Variants in GIPC1 observed in about 807,000 individuals in gnomAD.
The protein encoded by GIPC1 is PDZ domain-containing protein GIPC1.
Under a neutral mutation model 28.5 loss-of-function variants are expected in GIPC1, and 15 were observed. The ratio of observed to expected loss-of-function variants is 0.53; its 90% CI spans 0.35 to 0.81. The LOEUF (loss-of-function observed/expected upper bound fraction) is 0.81. Ranked by LOEUF, GIPC1 falls within the 30% of genes least tolerant of loss-of-function variation. The probability of loss-of-function intolerance (pLI) is 0.01; values close to 1 mark genes in which losing one functional copy is unlikely to be tolerated. For missense variants in GIPC1, 439 were observed against 481.9 expected (o/e 0.91, Z 0.83); for synonymous variants, 224 against 206.1 (o/e 1.09, Z -0.74).
chr19:14,486,712 CT>C (rs35491814), intron 3 of GIPC1, among the ~76,000 whole-genome samples: 18,972 of 124,142 alleles, frequency 0.15, 663 homozygotes, highest in African/African-American at 0.19. Context: ...TTCTTTCTTT[CT>C]TTTTTTTTTT....
At chr19:14,491,455 C>A (rs2071972739) in intron 3 of GIPC1, among the ~76,000 whole-genome samples, 1 of 151,994 alleles carries the variant, frequency 6.6e-6, no homozygotes. Flanking sequence ...GATGGGGTTT[C>A]TCCATGTTGA....
chr19:14,496,016 C>T (rs927371542), intron 1 of GIPC1, 21 bp downstream of exon 1: 14 of 228,974 alleles, frequency 6.1e-5, no homozygotes, highest in Non-Finnish European at 1.2e-4. Context: ...CAGACACATC[C>T]TTCTCGCAGA....
chr19:14,483,152 A>C, intron 3 of GIPC1, 146 bp from the exon 4 acceptor site: 1 of 601,262 alleles, frequency 1.7e-6, no homozygotes, highest in East Asian at 2.9e-5. Flanking sequence ...GTGACAGGAC[A>C]CTTATATAAA....
chr19:14,491,941 G>A (rs576582489), intron 2 of GIPC1, among the ~76,000 whole-genome samples, 198 bp from the exon 3 acceptor site: 3 of 152,164 alleles, frequency 2.0e-5, no homozygotes, highest in Admixed American at 6.5e-5. Flanking sequence ...GGTGGCGGGC[G>A]CCTGCAGTCC....
At chr19:14,491,444 A>G (rs990170681) in intron 3 of GIPC1, among the ~76,000 whole-genome samples, 8 of 151,806 alleles carry the variant, frequency 5.3e-5, no homozygotes, top group African/African-American at 1.9e-4. Context: ...TTTTTAGTAG[A>G]GATGGGGTTT....
At position 14,478,871 on chromosome 19, in the gene GIPC1, T is replaced by C; in HGVS notation, c.769-106A>G. ...CTTTACATATATTCGTATTTAGACC[T>C]CAGGACAACCCTGAGAAGGTGGTAT... On this transcript the variant is annotated intron_variant, in intron 7 of 8. Transcript: ENST00000393033. The surrounding 1 kb of genome is among the most constrained non-coding windows in gnomAD (Gnocchi z 5.2). The C allele has an allele frequency of 1.2e-6, 1 of 865,786 alleles. No homozygotes were observed. Among genetic ancestry groups the C allele is most frequent in the South Asian group, 1.4e-5 (1 of 69,554 alleles). The allele number at this position is 865,786 out of a possible 1,614,324, so 53.6% of individuals were successfully genotyped here. A position where few individuals can be genotyped will look rare whatever the true frequency, so the allele number is the denominator to read the frequency against.
At chr19:14,493,598 C>T (rs562904349) in intron 1 of GIPC1, among the ~76,000 whole-genome samples, 4 of 152,216 alleles carry the variant, frequency 2.6e-5, no homozygotes, top group African/African-American at 9.6e-5. Context: ...GCTGGGATTA[C>T]AGGCACGCAC....
Position 14,482,831 on chromosome 19 carries a change from G to A in GIPC1, c.146C>T (p.Pro49Leu). The part of the protein sequence containing the change: ...GSGGPQMGLP[P>L]PPPALRPRLV... ...GCGGGGCCGCAGGGCTGGGGGAGGG[G>A]GGGGCAAGCCCATTTGGGGGCCCCC... Residue 49 changes from proline (P) to leucine (L), a missense_variant, in exon 4 of 9, where the codon CCC (proline) becomes CTC (leucine). Transcript: ENST00000393033. 1 of 1,579,604 alleles carries A rather than the reference G, an allele frequency of 6.3e-7. No homozygotes were observed. Among genetic ancestry groups the A allele is most frequent in the Non-Finnish European group, 8.6e-7 (1 of 1,163,496 alleles).
At chr19:14,494,868 C>G (rs1041042790) in intron 1 of GIPC1, among the ~76,000 whole-genome samples, 1 of 152,120 alleles carries the variant, frequency 6.6e-6, no homozygotes, top group South Asian at 2.1e-4. Flanking sequence ...GCATCCTCAC[C>G]CCCTCATCCT....
rs1034420562 is a variant in GIPC1 at position 14,496,061 on chromosome 19, CGCCGCCGCCGCCGCT to C, written c.-214_-200del. Reference sequence around the variant, plus strand: ...CCTGCTCCGCCGCCGCCGCCGCCGCCGCCGCCGCCGCCGCTGCCTCCGCCTCCCCGTGCGCACCCG... The same window carrying C: ...CCTGCTCCGCCGCCGCCGCCGCCGCCGCCTCCGCCTCCCCGTGCGCACCCG... On this transcript the variant is annotated 5_prime_UTR_variant, in exon 1 of 9. Transcript: ENST00000393033. 5 of 250,692 alleles carry C rather than the reference CGCCGCCGCCGCCGCT, an allele frequency of 2.0e-5. No homozygotes were observed. The highest frequency in any genetic ancestry group is 9.4e-5 in the African/African-American group (4 of 42,404). 15.5% of individuals were successfully genotyped at this position (250,692 alleles called of 1,614,324 possible).
intron 4 of GIPC1, 116 bp downstream of exon 4, chr19:14,482,573 G>C (rs1358792310): frequency 9.5e-7 from 1 of 1,047,588 alleles, no homozygotes; most frequent in Non-Finnish European, 1.4e-6. Flanking sequence ...CACTGAGTGG[G>C]GCCCAGGCTC....
At chr19:14,480,177 T>C (rs949300087) in intron 6 of GIPC1, 128 bp downstream of exon 6, 5 of 772,854 alleles carry the variant, frequency 6.5e-6, no homozygotes, top group Non-Finnish European at 1.1e-5. Flanking sequence ...CTGCAACCCC[T>C]TCCCTTTCTG....
intron 4 of GIPC1, chr19:14,482,288 A>G: frequency 3.6e-6 from 1 of 278,986 alleles, no homozygotes; most frequent in South Asian, 3.8e-5. Flanking sequence ...CCCACAGTCC[A>G]TTGGAGCTCA....
At chr19:14,489,414 GA>G (rs917858801) in intron 3 of GIPC1, 1 of 814,450 alleles carries the variant, frequency 1.2e-6, no homozygotes, top group African/African-American at 1.7e-5. Flanking sequence ...CTCCTGAGTT[GA>G]AAAAATTTAC....
intron 3 of GIPC1, among the ~76,000 whole-genome samples, chr19:14,484,190 G>T (rs1185710138): frequency 6.7e-6 from 1 of 148,716 alleles, no homozygotes; most frequent in Admixed American, 6.7e-5. Context: ...GAGTGCAGTG[G>T]TGCAATCTCA....
chr19:14,479,346 C>CGA (rs1568359778), intron 7 of GIPC1, 66 bp downstream of exon 7: 1 of 640,930 alleles, frequency 1.6e-6, no homozygotes, highest in East Asian at 3.5e-5. Flanking sequence ...GAGTGAGACT[C>CGA]TGTCTCAAAA....
At chr19:14,495,591 A>G (rs1479598929) in intron 1 of GIPC1, among the ~76,000 whole-genome samples, 1 of 152,136 alleles carries the variant, frequency 6.6e-6, no homozygotes, top group Admixed American at 6.6e-5. Flanking sequence ...AAGCTCTCCA[A>G]TAAATGCTAG....
intron 4 of GIPC1, chr19:14,482,243 T>C (rs1387135803): frequency 4.9e-6 from 1 of 205,994 alleles, no homozygotes; most frequent in East Asian, 1.5e-4. Context: ...GGCCTCTCAA[T>C]CCATCCATCC....
intron 3 of GIPC1, among the ~76,000 whole-genome samples, chr19:14,491,123 A>C (rs111741884): frequency 0.013 from 2,027 of 152,264 alleles, 46 homozygotes; most frequent in African/African-American, 0.047. Flanking sequence ...CAGCCTGGCC[A>C]ACATGGTGTG....
Sources: allele counts gnomAD v4.1 joint callset (sites outside exome capture counted in the v4.1 genomes callset), GRCh38; gene constraint gnomAD v4.1.1; non-coding constraint Gnocchi (gnomAD v3.1); transcripts MANE v1.5; gene names NCBI Gene and HGNC (gene_info 2026-07-23, HGNC 2026-07-21).